MFAP5: variants seen among roughly 807,000 people sequenced by gnomAD.
MFAP5 encodes the protein microfibril associated protein 5, also known as microfibrillar-associated protein 5.
A neutral mutation model predicts 30.1 loss-of-function variants in MFAP5; 19 were observed. That is an observed-to-expected ratio of 0.63 (90% CI 0.44 to 0.93). The LOEUF (loss-of-function observed/expected upper bound fraction) is 0.93. Among genes scored for constraint, MFAP5 ranks in the 40% least tolerant of loss-of-function variants. The pLI is 0.00. For missense variants in MFAP5, 210 were observed against 221.3 expected (o/e 0.95, Z 0.32); for synonymous variants, 92 against 72.9 (o/e 1.26, Z -1.33).
intron 3 of MFAP5, among the ~76,000 whole-genome samples, chr12:8,658,004 T>C (rs35818804): frequency 0.075 from 11,445 of 152,278 alleles, 486 homozygotes; most frequent in Non-Finnish European, 0.084. Flanking sequence ...AAGCATTTCA[T>C]AGGAATTTCC....
chr12:8,656,668 A>ATATATTTTTT (rs1174790172), intron 3 of MFAP5, among the ~76,000 whole-genome samples: 103 of 118,772 alleles, frequency 8.7e-4, no homozygotes, highest in Non-Finnish European at 1.4e-3. Context: ...ATATATATAT[A>ATATATTTTTT]TTTTTTTTTT....
At chr12:8,655,092 A>G (rs762412206) in intron 5 of MFAP5, among the ~76,000 whole-genome samples, 3 of 152,138 alleles carry the variant, frequency 2.0e-5, no homozygotes, top group Non-Finnish European at 4.4e-5. Flanking sequence ...AGCTCGGCCA[A>G]CATGGTGAAA....
At chr12:8,652,306 G>T (rs373078822) in intron 6 of MFAP5, among the ~76,000 whole-genome samples, 1 of 152,178 alleles carries the variant, frequency 6.6e-6, no homozygotes, top group East Asian at 1.9e-4. Context: ...TTAGTTGGGT[G>T]TAGTGATGTG....
At chr12:8,650,709 G>A in intron 7 of MFAP5, 120 bp from the exon 8 acceptor site, 1 of 802,218 alleles carries the variant, frequency 1.2e-6, no homozygotes, top group East Asian at 2.7e-5. Flanking sequence ...TCTCTACAGA[G>A]AATCATTATA....
At chr12:8,656,591 T>TATACACAC in intron 3 of MFAP5, among the ~76,000 whole-genome samples, 1 of 130,872 alleles carries the variant, frequency 7.6e-6, no homozygotes, top group South Asian at 2.3e-4. Context: ...TATATATATA[T>TATACACAC]ACACACACAC....
In MFAP5 at chr12:8,650,408, A is replaced by G. The variant is rs1029986885; in HGVS notation, c.335+94T>C. 3.1e-6 allele frequency: 4 copies of G among 1,271,568 alleles called. No homozygotes were observed. The East Asian group carries it at 7.1e-5, about 23-fold the overall frequency. The allele number at this position is 1,271,568 out of a possible 1,614,324, so 78.8% of individuals were successfully genotyped here. A position where few individuals can be genotyped will look rare whatever the true frequency, so the allele number is the denominator to read the frequency against. On this transcript the variant is annotated intron_variant, in intron 8 of 9. Transcript: ENST00000359478. ...GTGCTAAAAACTTTGGCCCCATCAAAGTTTGCAATTCCATAGTGGGTGCTC... is the reference window on the plus strand; with the variant it reads ...GTGCTAAAAACTTTGGCCCCATCAAGGTTTGCAATTCCATAGTGGGTGCTC...
intron 6 of MFAP5, among the ~76,000 whole-genome samples, chr12:8,653,456 A>G (rs117119485): frequency 0.02 from 3,059 of 152,224 alleles, 38 homozygotes; most frequent in Middle Eastern, 0.041. Flanking sequence ...AAATCTAATT[A>G]TAATCTTACC....
intron 3 of MFAP5, among the ~76,000 whole-genome samples, chr12:8,656,284 G>A (rs749892386): frequency 1.3e-5 from 2 of 151,636 alleles, no homozygotes; most frequent in East Asian, 3.9e-4. Flanking sequence ...TCCTGACCTC[G>A]TGAACCGCCC....
chr12:8,661,625 T>G (rs1288641883), intron 2 of MFAP5, among the ~76,000 whole-genome samples: 3 of 151,822 alleles, frequency 2.0e-5, no homozygotes, highest in African/African-American at 7.3e-5. Context: ...TCCTCTCCAC[T>G]CAGTCTCCCA....
At chr12:8,656,261 C>A (rs961572392) in intron 3 of MFAP5, among the ~76,000 whole-genome samples, 1 of 151,188 alleles carries the variant, frequency 6.6e-6, no homozygotes, top group Non-Finnish European at 1.5e-5. Flanking sequence ...GGGGTTTCAC[C>A]GTGGTCTCGA....
chr12:8,662,065 C>T lies in MFAP5; in HGVS notation c.40G>A (p.Ala14Thr). The T allele has an allele frequency of 2.5e-6, 4 of 1,613,778 alleles. No homozygotes were observed. The highest frequency in any genetic ancestry group is 3.4e-6 in the Non-Finnish European group (4 of 1,179,984). The change falls in exon 2 of 10, where the codon GCA becomes ACA. Residue 14 changes from alanine to threonine, a missense_variant. Coordinates refer to ENST00000359478, the MANE Select transcript of MFAP5 (RefSeq NM_003480.4). ...GACTCACCAGAGGTGATGATGAATG[C>T]AGCAAGAAACAGCAGCACCTTGGGT... ...LGPKVLLFLAAFIITSDWIPL... is the reference protein window; with the variant it reads ...LGPKVLLFLATFIITSDWIPL...
Position 8,656,416 on chromosome 12 carries a change from A to ATT in MFAP5, c.95-588_95-587dup, listed in dbSNP as rs35361217. Among the ~76,000 whole-genome samples the ATT allele has an allele frequency of 1.8e-3, 167 of 91,878 alleles. 4 individuals carry two copies. Among genetic ancestry groups the ATT allele is most frequent in the African/African-American group, 6.2e-3 (156 of 25,120 alleles). 60.3% of individuals were successfully genotyped at this position (91,878 alleles called of 152,430 possible). ...GGAGTGTTCATAAAAGGTAGTATTGATTTTTTTTTTTTTTTAAGAGTCTCG... is the reference window on the plus strand; with the variant it reads ...GGAGTGTTCATAAAAGGTAGTATTGATTTTTTTTTTTTTTTTTAAGAGTCTCG... On this transcript the variant is annotated intron_variant, in intron 3 of 9. Transcript: ENST00000359478.
chr12:8,656,668 A>T (rs1966728), intron 3 of MFAP5, among the ~76,000 whole-genome samples: 36,822 of 115,570 alleles, frequency 0.32, 6,677 homozygotes, highest in East Asian at 0.42. Context: ...ATATATATAT[A>T]TTTTTTTTTT....
chr12:8,654,400 G>T, intron 6 of MFAP5, 37 bp downstream of exon 6: 4 of 1,566,024 alleles, frequency 2.6e-6, no homozygotes, highest in Non-Finnish European at 3.5e-6. Flanking sequence ...AGCCTAGAAT[G>T]GCCCTGATGA....
Position 8,647,329 on chromosome 12 carries a change from T to A in MFAP5, c.*762A>T, listed in dbSNP as rs1396299687. The A allele has an allele frequency of 1.3e-5, 2 of 152,198 alleles. No individual in the cohort carries two copies. Among genetic ancestry groups the A allele is most frequent in the Non-Finnish European group, 2.9e-5 (2 of 68,026 alleles). 9.4% of individuals were successfully genotyped at this position (152,198 alleles called of 1,614,324 possible). A position where few individuals can be genotyped will look rare whatever the true frequency, so the allele number is the denominator to read the frequency against. ...CATCCCGGTACTACCCATAAACGAA[T>A]CAGTAAATGAGACTTAGTTTCCAAC... is the stretch of plus-strand genomic sequence containing the variant. On this transcript the variant is annotated 3_prime_UTR_variant, in exon 10 of 10. Coordinates refer to ENST00000359478, the MANE Select transcript of MFAP5 (RefSeq NM_003480.4).
chr12:8,650,235 G>T, intron 8 of MFAP5: 1 of 428,028 alleles, frequency 2.3e-6, no homozygotes, highest in Non-Finnish European at 4.3e-6. Context: ...GTAATAAATT[G>T]AGCATGCCAG....
At chr12:8,653,313 C>T (rs6487313) in intron 6 of MFAP5, among the ~76,000 whole-genome samples, 20,043 of 152,088 alleles carry the variant, frequency 0.13, 1,659 homozygotes, top group African/African-American at 0.23. Flanking sequence ...GCATCTTTTA[C>T]TGGGAACACT....
intron 3 of MFAP5, among the ~76,000 whole-genome samples, chr12:8,657,934 A>T (rs1016066839): frequency 2.0e-5 from 3 of 152,228 alleles, no homozygotes; most frequent in African/African-American, 7.2e-5. Context: ...GATGGGAACA[A>T]ATATTTTTAT....
At chr12:8,660,109 T>G (rs1417942217) in intron 3 of MFAP5, among the ~76,000 whole-genome samples, 1 of 151,998 alleles carries the variant, frequency 6.6e-6, no homozygotes, top group Non-Finnish European at 1.5e-5. Context: ...CCTAAAAAGC[T>G]GAAAAACCAA....
Sources: allele counts gnomAD v4.1 joint callset (sites outside exome capture counted in the v4.1 genomes callset), GRCh38; gene constraint gnomAD v4.1.1; transcripts MANE v1.5; gene names NCBI Gene and HGNC (gene_info 2026-07-23, HGNC 2026-07-21).